The following PMPCA variants were observed in gnomAD, a reference collection of about 807,000 sequenced individuals.
PMPCA encodes mitochondrial-processing peptidase subunit alpha.
Under a neutral mutation model 59.3 loss-of-function variants are expected in PMPCA, and 47 were observed. The ratio of observed to expected loss-of-function variants is 0.79; its 90% CI spans 0.63 to 1.01. The LOEUF is 1.01. Ranked by LOEUF, PMPCA falls within the 50% of genes least tolerant of loss-of-function variation. The pLI is 0.00. For synonymous variants in PMPCA, 338 were observed against 290.3 expected (o/e 1.16, Z -1.67); for missense variants, 726 against 704.5 (o/e 1.03, Z -0.34).
At chr9:136,422,990 G>C in intron 12 of PMPCA, 105 bp from the exon 13 acceptor site, 1 of 1,473,764 alleles carries the variant, frequency 6.8e-7, no homozygotes, top group Non-Finnish European at 9.0e-7. Context: ...AGCACAGCGT[G>C]AGTGAGTGGT....
At position 136,422,089 on chromosome 9, in the gene PMPCA, G is replaced by C. The variant is rs548771999; in HGVS notation, c.1408+113G>C. ...GCCTGTGGTATGTCCATCACACCCA[G>C]AATCTGGGGCCTTCACCAGTTGTCC... On this transcript the variant is annotated intron_variant, in intron 12 of 12. Coordinates refer to ENST00000371717, the MANE Select transcript of PMPCA (RefSeq NM_015160.3). The C allele has an allele frequency of 1.9e-5, 30 of 1,546,714 alleles. No homozygotes were observed. The African/African-American group carries it at 4.0e-4, about 20-fold the overall frequency.
At chr9:136,422,942 C>G (rs1438277919) in intron 12 of PMPCA, 153 bp from the exon 13 acceptor site, 1 of 1,443,478 alleles carries the variant, frequency 6.9e-7, no homozygotes, top group Non-Finnish European at 9.1e-7. Context: ...CTTGGCTACA[C>G]CCAGTGGCTG....
At chr9:136,412,962 T>A (rs1285008995) in intron 4 of PMPCA, 70 bp downstream of exon 4, 1 of 918,302 alleles carries the variant, frequency 1.1e-6, no homozygotes, top group Non-Finnish European at 1.8e-6. Context: ...TTGCTCAGAT[T>A]CCCTCTGAGC....
At chr9:136,422,331 C>G in intron 12 of PMPCA, 1 of 1,185,318 alleles carries the variant, frequency 8.4e-7, no homozygotes, top group Non-Finnish European at 1.1e-6. Context: ...GTAGCAGTGG[C>G]TCGGAATGCC....
rs981199799 is a variant in PMPCA, at chr9:136,422,810, C to G, written c.1409-285C>G. On this transcript the variant is annotated intron_variant, in intron 12 of 12. Transcript: ENST00000371717. ...GCAGGCCGTCCTAAAGTGAGTTCATCAGACACGGAGCTCGCTCTTCTGTAA... is the reference window on the plus strand; with the variant it reads ...GCAGGCCGTCCTAAAGTGAGTTCATGAGACACGGAGCTCGCTCTTCTGTAA... 1.7e-5 allele frequency: 21 copies of G among 1,221,486 alleles called. No individual in the cohort carries two copies. In the African/African-American group the frequency reaches 2.6e-4, roughly 15 times the overall value. 75.7% of individuals were successfully genotyped at this position (1,221,486 alleles called of 1,614,324 possible).
At chr9:136,419,010 G>A (rs776606857) in intron 10 of PMPCA, 34 bp from the exon 11 acceptor site, 4 of 1,609,218 alleles carry the variant, frequency 2.5e-6, no homozygotes, top group Non-Finnish European at 3.4e-6. Context: ...GGCAGGCGCA[G>A]GCCACACTGT....
chr9:136,415,002 C>G (rs370696933), intron 5 of PMPCA, among the ~76,000 whole-genome samples: 2 of 152,142 alleles, frequency 1.3e-5, no homozygotes, highest in Non-Finnish European at 2.9e-5. Flanking sequence ...GTAGGAAGAT[C>G]GTTTGAGCCT....
intron 11 of PMPCA, among the ~76,000 whole-genome samples, 179 bp from the exon 12 acceptor site, chr9:136,421,653 C>A (rs1035785387): frequency 6.6e-6 from 1 of 152,134 alleles, no homozygotes; most frequent in Non-Finnish European, 1.5e-5. Flanking sequence ...ACCTCGTGAT[C>A]CGCCTGCCTC....
At position 136,414,179 on chromosome 9, in the gene PMPCA, G is replaced by A. The variant is rs970894196; in HGVS notation, c.438-374G>A. ...GAAACACTTCACCTTTTGAGAGAGA[G>A]TATAGTTACAAAAATCTGTATCAGA... On this transcript the variant is annotated intron_variant, in intron 4 of 12. Coordinates refer to ENST00000371717, the MANE Select transcript of PMPCA (RefSeq NM_015160.3). 5.9e-5 allele frequency among the ~76,000 whole-genome samples: 9 copies of A among 152,340 alleles called. 1 individual carries two copies. The highest frequency in any genetic ancestry group is 3.4e-3 in the Middle Eastern group (1 of 294).
In PMPCA at chr9:136,412,051, C is replaced by T. The variant is rs142694992; in HGVS notation, c.126C>T (p.Ile42=). 1,946 of 1,613,314 alleles carry T rather than the reference C, an allele frequency of 1.2e-3. 3 individuals are homozygous for T. The highest frequency in any genetic ancestry group is 9.2e-3 in the Middle Eastern group (56 of 6,060). Residue 42 remains isoleucine, a synonymous_variant, in exon 2 of 13, where the codon ATC becomes ATT. Transcript: ENST00000371717. ...GTAGTGGTGGTGCCTATCCCAACAT[C>T]CCCCTCTCTTCTCCCTTACCTGGAG... is the stretch of plus-strand genomic sequence containing the variant. The part of the protein sequence containing the change: ...RFSSGGAYPN[I]PLSSPLPGVP...
intron 8 of PMPCA, 43 bp from the exon 9 acceptor site, chr9:136,418,512 G>T (rs375389987): frequency 6.1e-5 from 75 of 1,226,670 alleles, no homozygotes; most frequent in South Asian, 1.7e-4. Flanking sequence ...TGCTCCTGAC[G>T]TGGCGTGGGT....
rs756626552 is a variant in PMPCA at position 136,423,245 on chromosome 9, C to T, written c.1559C>T (p.Thr520Met). ...AGTAAGGACGGGCGCCTGCCCAGGACGTACCGGCTCTTCCGGTAGAACCGC... is the reference window on the plus strand; with the variant it reads ...AGTAAGGACGGGCGCCTGCCCAGGATGTACCGGCTCTTCCGGTAGAACCGC... ...LSSKDGRLPR[T>M]YRLFR The change falls in exon 13 of 13, where the codon ACG (threonine) becomes ATG (methionine). Residue 520 changes from threonine (T) to methionine (M), a missense_variant. Physicochemically the swap from Thr to Met is moderately conservative, Grantham distance 81. Coordinates refer to ENST00000371717, the MANE Select transcript of PMPCA (RefSeq NM_015160.3). The T allele has an allele frequency of 5.6e-6, 9 of 1,612,590 alleles. No homozygotes were observed. Among genetic ancestry groups the T allele is most frequent in the East Asian group, 2.2e-5 (1 of 44,894 alleles).
At chr9:136,419,396 G>C (rs112095763) in intron 11 of PMPCA, 149 of 533,076 alleles carry the variant, frequency 2.8e-4, no homozygotes, top group African/African-American at 2.6e-3. Context: ...CACTGGGTGA[G>C]TCGTGGGACT....
chr9:136,423,471 C>A lies in PMPCA; in HGVS notation c.*207C>A. On this transcript the variant is annotated 3_prime_UTR_variant, in exon 13 of 13. Transcript: ENST00000371717. ...AGTATCGAGCCTGACCACCGCAAGC[C>A]AGGAAGCAGGTGAAGTGCCCAGCGC... 3.5e-6 allele frequency: 2 copies of A among 576,378 alleles called. No individual in the cohort carries two copies. The highest frequency in any genetic ancestry group is 1.9e-5 in the African/African-American group (1 of 53,534). 35.7% of individuals were successfully genotyped at this position (576,378 alleles called of 1,614,324 possible). A position where few individuals can be genotyped will look rare whatever the true frequency, so the allele number is the denominator to read the frequency against.
intron 5 of PMPCA, among the ~76,000 whole-genome samples, chr9:136,414,970 C>G (rs960338446): frequency 1.3e-5 from 2 of 152,086 alleles, no homozygotes; most frequent in South Asian, 4.2e-4. Flanking sequence ...CACTTAGAGT[C>G]CTAGCTACTC....
intron 11 of PMPCA, 56 bp from the exon 12 acceptor site, chr9:136,421,776 G>A: frequency 4.7e-6 from 7 of 1,486,328 alleles, no homozygotes; most frequent in Non-Finnish European, 6.4e-6. Flanking sequence ...CTCGAGTGGG[G>A]GGTGGAAGGT....
At chr9:136,421,372 C>T (rs1835442975) in intron 11 of PMPCA, among the ~76,000 whole-genome samples, 1 of 150,828 alleles carries the variant, frequency 6.6e-6, no homozygotes, top group African/African-American at 2.4e-5. Flanking sequence ...GGGAGACCAG[C>T]AGGGTTGCCT....
chr9:136,421,404 G>GT (rs57128281), intron 11 of PMPCA, among the ~76,000 whole-genome samples: 2,919 of 117,772 alleles, frequency 0.025, 86 homozygotes, highest in African/African-American at 0.044. Context: ...CTGGGTTCCC[G>GT]TTTTTTTTTT....
chr9:136,417,893 A>G (rs1835327352), intron 7 of PMPCA, 124 bp from the exon 8 acceptor site: 1 of 756,730 alleles, frequency 1.3e-6, no homozygotes, highest in Admixed American at 1.8e-5. Flanking sequence ...GATTTTAGGC[A>G]TGAGCCACTG....
Sources: gnomAD v4.1 joint callset for allele counts (sites outside exome capture counted in the v4.1 genomes callset) on GRCh38, gnomAD v4.1.1 for gene constraint, MANE v1.5 for transcripts, NCBI Gene and HGNC (gene_info 2026-07-23, HGNC 2026-07-21) for gene names.